The following ZFX variants were observed in gnomAD, a reference collection of about 807,000 sequenced individuals.
The protein encoded by ZFX is zinc finger protein X-linked, also known as zinc finger X-chromosomal protein.
For synonymous variants in ZFX, 196 were observed against 226.8 expected, an observed-to-expected ratio of 0.86 and a Z score of 1.22; for missense variants, 362 against 628.3, an observed-to-expected ratio of 0.58 and a Z score of 4.53.
intron 5 of ZFX, among the ~76,000 whole-genome samples, chrX:24,192,232 G>C (rs1936579750): frequency 9.0e-6 from 1 of 111,636 alleles, no homozygotes; most frequent in South Asian, 3.7e-4. Context: ...GGAAAGGCCT[G>C]GTTTCCCTCA....
At chrX:24,169,330 AC>A (rs1481977973) in intron 3 of ZFX, among the ~76,000 whole-genome samples, 2 of 111,637 alleles carry the variant, frequency 1.8e-5, no homozygotes, top group Non-Finnish European at 3.8e-5. Flanking sequence ...TTGGGTTAAT[AC>A]TGCAGAGCCT....
At chrX:24,204,304 T>C (rs1339742165) in intron 5 of ZFX, among the ~76,000 whole-genome samples, 7 of 112,770 alleles carry the variant, frequency 6.2e-5, no homozygotes, top group Admixed American at 3.8e-4. Flanking sequence ...AAATTGTCAC[T>C]GTATTTTTGC....
intron 5 of ZFX, among the ~76,000 whole-genome samples, chrX:24,182,076 A>G (rs1257361230): frequency 1.8e-5 from 2 of 110,910 alleles, no homozygotes; most frequent in Non-Finnish European, 3.8e-5. Flanking sequence ...AGATAATTCA[A>G]GGATGACCCT....
chrX:24,154,417 CA>C (rs1044932553), intron 3 of ZFX, among the ~76,000 whole-genome samples: 1 of 111,675 alleles, frequency 9.0e-6, no homozygotes, highest in African/African-American at 3.3e-5. Flanking sequence ...GTATCATAAC[CA>C]TACCTTATAT....
intron 3 of ZFX, among the ~76,000 whole-genome samples, chrX:24,164,607 A>G (rs1457744578): frequency 9.0e-6 from 1 of 111,655 alleles, no homozygotes; most frequent in Non-Finnish European, 1.9e-5. Flanking sequence ...GGGAGTTGGC[A>G]AGACAATTAT....
intron 3 of ZFX, among the ~76,000 whole-genome samples, chrX:24,165,201 A>G (rs1433979711): frequency 8.9e-6 from 1 of 112,218 alleles, no homozygotes; most frequent in Non-Finnish European, 1.9e-5. Flanking sequence ...GCTCACTGCA[A>G]CCTTTGCCTC....
rs66467960 is a variant in ZFX, at chrX:24,163,364, G to GTTTTTTTTTT, written c.-28-9329_-28-9320dup. ...AATTTGGTTAAATTATTTTTGTTAG[G>GTTTTTTTTTT]TTTTTTTTTTTTTTTTTTTTTTTTT... is the stretch of plus-strand genomic sequence containing the variant. On this transcript the variant is annotated intron_variant, in intron 3 of 9. Coordinates refer to ENST00000304543, the MANE Select transcript of ZFX (RefSeq NM_003410.4). Among the ~76,000 whole-genome samples, 9 of 19,049 alleles carry GTTTTTTTTTT rather than the reference G, an allele frequency of 4.7e-4. 2 individuals carry two copies. The highest frequency in any genetic ancestry group is 7.4e-4 in the Non-Finnish European group (9 of 12,225). 16.5% of individuals were successfully genotyped at this position (19,049 alleles called of 115,157 possible).
chrX:24,209,477 A>G (rs141493393), intron 9 of ZFX, among the ~76,000 whole-genome samples: 3,689 of 112,443 alleles, frequency 0.033, 154 homozygotes, highest in African/African-American at 0.11. Context: ...GTATATTTAA[A>G]CTTTGCTGTA....
At chrX:24,180,369 A>G (rs1019312937) in intron 5 of ZFX, among the ~76,000 whole-genome samples, 1 of 103,294 alleles carries the variant, frequency 9.7e-6, no homozygotes, top group African/African-American at 3.5e-5. Flanking sequence ...CAAAAAGTCT[A>G]ACCAAGCTAC....
intron 5 of ZFX, among the ~76,000 whole-genome samples, chrX:24,189,625 A>G (rs1936402601): frequency 8.9e-6 from 1 of 111,904 alleles, no homozygotes; most frequent in African/African-American, 3.3e-5. Context: ...AGATAGTAAA[A>G]TATTTACTCT....
chrX:24,211,947 G>C lies in ZFX; in HGVS notation c.*571G>C, dbSNP rs1483867648. ...GAGCTGTTGCGTCCCTGGCTTTGCT[G>C]AGTAAAGAGCAGTGGCTGGGTTCGT... is the stretch of plus-strand genomic sequence containing the variant. On this transcript the variant is annotated 3_prime_UTR_variant, in exon 10 of 10. Coordinates refer to ENST00000304543, the MANE Select transcript of ZFX (RefSeq NM_003410.4). 8.8e-6 allele frequency: 1 copy of C among 113,195 alleles called. No homozygotes were observed. The highest frequency in any genetic ancestry group is 3.2e-5 in the African/African-American group (1 of 31,033). 9.3% of individuals were successfully genotyped at this position (113,195 alleles called of 1,213,427 possible).
chrX:24,181,241 A>G (rs928630807), intron 5 of ZFX, among the ~76,000 whole-genome samples: 3 of 112,564 alleles, frequency 2.7e-5, no homozygotes, highest in African/African-American at 9.7e-5. Context: ...AAATGCCTTC[A>G]TTCAACACGT....
chrX:24,149,145 C>G (rs1390285584), upstream of ZFX: 1 of 108,484 alleles, frequency 9.2e-6, no homozygotes, highest in South Asian at 3.9e-4. Flanking sequence ...CTAAATTTAT[C>G]TTCCTCCCCA....
chrX:24,175,495 C>G (rs1935039710), intron 4 of ZFX: 1 of 112,044 alleles, frequency 8.9e-6, no homozygotes, highest in Admixed American at 9.5e-5. Flanking sequence ...GAAACTGAAA[C>G]TCAGAGGTTG....
chrX:24,203,941 A>G (rs1386783191), intron 5 of ZFX, among the ~76,000 whole-genome samples: 2 of 112,642 alleles, frequency 1.8e-5, no homozygotes, highest in Non-Finnish European at 3.8e-5. Flanking sequence ...CAATATACAT[A>G]AATAAGCTTT....
rs868346378 is a variant in ZFX, at chrX:24,207,664, G to A, written c.797-48G>A. The A allele has an allele frequency of 5.1e-6, 6 of 1,181,657 alleles. No individual in the cohort carries two copies. The Middle Eastern group carries it at 1.6e-3, about 324-fold the overall frequency. On this transcript the variant is annotated intron_variant, in intron 6 of 9. Coordinates refer to ENST00000304543, the MANE Select transcript of ZFX (RefSeq NM_003410.4). ...TATGTAAAAAGAAATAGGTGGAAATGCAGTTTTCAAATAAATTATTGAAGC... is the reference window on the plus strand; with the variant it reads ...TATGTAAAAAGAAATAGGTGGAAATACAGTTTTCAAATAAATTATTGAAGC...
chrX:24,198,926 A>C (rs1456695225), intron 5 of ZFX, among the ~76,000 whole-genome samples: 1 of 111,687 alleles, frequency 9.0e-6, no homozygotes, highest in Non-Finnish European at 1.9e-5. Flanking sequence ...TTGTTGGTAC[A>C]TAGATGAAAT....
chrX:24,166,520 A>G (rs987159489), intron 3 of ZFX, among the ~76,000 whole-genome samples: 1 of 112,392 alleles, frequency 8.9e-6, no homozygotes, highest in Non-Finnish European at 1.9e-5. Context: ...AATATCGATT[A>G]TATACATTTT....
intron 5 of ZFX, among the ~76,000 whole-genome samples, chrX:24,180,912 C>T (rs776536817): frequency 8.9e-6 from 1 of 111,732 alleles, no homozygotes; most frequent in Non-Finnish European, 1.9e-5. Flanking sequence ...GAAAGACAAC[C>T]GTTATCTTCT....
Sources: allele counts gnomAD v4.1 joint callset (sites outside exome capture counted in the v4.1 genomes callset), GRCh38; gene constraint gnomAD v4.1.1; transcripts MANE v1.5; gene names NCBI Gene and HGNC (gene_info 2026-07-23, HGNC 2026-07-21).